Variants in BMPER observed in about 807,000 individuals in gnomAD.
BMPER encodes BMP binding endothelial regulator.
In BMPER, 45 loss-of-function variants were observed where a neutral mutation model predicts 87.3. The ratio of observed to expected loss-of-function variants is 0.52; its 90% CI spans 0.41 to 0.66. The LOEUF (loss-of-function observed/expected upper bound fraction) is 0.66, where lower values mean the gene tolerates loss of function less well. BMPER is among the 30% of genes least tolerant of loss of function. BMPER has a pLI of 0.00. For missense variants in BMPER, 784 were observed against 867.5 expected, an observed-to-expected ratio of 0.90 and a Z score of 1.21; for synonymous variants, 326 against 316.2, an observed-to-expected ratio of 1.03 and a Z score of -0.33.
At chr7:33,956,917 A>C (rs1436916484) in intron 3 of BMPER, among the ~76,000 whole-genome samples, 1 of 152,202 alleles carries the variant, frequency 6.6e-6, no homozygotes, top group Admixed American at 6.5e-5. Flanking sequence ...GGGTTGGTCA[A>C]GGGTCAACTG....
intron 13 of BMPER, among the ~76,000 whole-genome samples, chr7:34,095,643 G>A (rs1026185163): frequency 1.3e-5 from 2 of 152,212 alleles, no homozygotes; most frequent in Non-Finnish European, 2.9e-5. Flanking sequence ...AAGAACTTGA[G>A]GACATGAGCT....
At chr7:33,928,619 C>T (rs911790522) in intron 2 of BMPER, among the ~76,000 whole-genome samples, 2 of 115,312 alleles carry the variant, frequency 1.7e-5, no homozygotes, top group African/African-American at 3.4e-5. Flanking sequence ...TTCTTTGTTC[C>T]GTGAGTTTCT....
intron 13 of BMPER, among the ~76,000 whole-genome samples, chr7:34,128,139 C>T (rs926745151): frequency 2.6e-5 from 4 of 152,196 alleles, no homozygotes; most frequent in Admixed American, 6.5e-5. Flanking sequence ...GAATGTATGC[C>T]GATTCAAACA....
intron 13 of BMPER, among the ~76,000 whole-genome samples, chr7:34,102,001 A>G (rs1347767532): frequency 6.6e-6 from 1 of 152,242 alleles, no homozygotes; most frequent in Non-Finnish European, 1.5e-5. Context: ...AAGAAAACCC[A>G]TTAAAGTGGT....
chr7:34,038,244 T>A (rs1787736234), intron 6 of BMPER, among the ~76,000 whole-genome samples: 1 of 151,590 alleles, frequency 6.6e-6, no homozygotes, highest in African/African-American at 2.4e-5. Context: ...AGCAGGAGGG[T>A]CAGAGTCGGA....
chr7:34,126,548 T>A (rs1554322126), intron 13 of BMPER, among the ~76,000 whole-genome samples: 1 of 152,216 alleles, frequency 6.6e-6, no homozygotes, highest in Non-Finnish European at 1.5e-5. Context: ...GGCTGCTGTG[T>A]CACCAAGAAG....
At chr7:33,979,024 AG>A (rs1785767808) in intron 6 of BMPER, among the ~76,000 whole-genome samples, 1 of 152,156 alleles carries the variant, frequency 6.6e-6, no homozygotes, top group Admixed American at 6.5e-5. Context: ...CACACACCCA[AG>A]TGGTAAGGGT....
At chr7:33,916,633 C>A (rs560713211) in intron 2 of BMPER, among the ~76,000 whole-genome samples, 2 of 152,346 alleles carry the variant, frequency 1.3e-5, no homozygotes, top group South Asian at 4.1e-4. Flanking sequence ...CCTGCCAACT[C>A]CTCTAAGAGC....
intron 13 of BMPER, among the ~76,000 whole-genome samples, chr7:34,121,157 A>G (rs993567873): frequency 6.6e-5 from 10 of 152,020 alleles, no homozygotes; most frequent in Admixed American, 6.6e-4. Flanking sequence ...AGAAGGGAAA[A>G]TAATGGAAGT....
chr7:34,030,177 T>G (rs1173564097), intron 6 of BMPER, among the ~76,000 whole-genome samples: 3 of 152,046 alleles, frequency 2.0e-5, no homozygotes, highest in Admixed American at 6.6e-5. Flanking sequence ...ACAAAGGTTT[T>G]GGGGCATACG....
chr7:33,908,467 C>A (rs1585623998), intron 2 of BMPER, among the ~76,000 whole-genome samples: 1 of 152,126 alleles, frequency 6.6e-6, no homozygotes, highest in African/African-American at 2.4e-5. Context: ...TTCAGTACTC[C>A]TACCCCTGCT....
In BMPER at chr7:34,079,032, C is replaced by T; in HGVS notation, c.1254C>T (p.Thr418=). Residue 418 remains threonine, a synonymous_variant, in exon 12 of 15, where the codon ACC becomes ACT. Coordinates refer to ENST00000649409, the MANE Select transcript of BMPER (RefSeq NM_001365308.1). The part of the protein sequence containing the change: ...DARRTRSFSW[T]KSVELVLGES... ...GCCGGACACGCTCCTTCTCGTGGAC[C>T]AAGTCGGTGGAGCTGGTGCTGGGCG... 2 of 1,614,186 alleles carry T rather than the reference C, an allele frequency of 1.2e-6. No individual in the cohort carries two copies. Among genetic ancestry groups the T allele is most frequent in the Non-Finnish European group, 1.7e-6 (2 of 1,180,026 alleles).
At position 33,905,727 on chromosome 7, in the gene BMPER, G is replaced by A. The variant is rs761000130; in HGVS notation, c.114G>A (p.Leu38=). 2.5e-6 allele frequency: 4 copies of A among 1,612,794 alleles called. No homozygotes were observed. Among genetic ancestry groups the A allele is most frequent in the Non-Finnish European group, 2.5e-6 (3 of 1,179,834 alleles). The change falls in exon 1 of 15, where the codon CTG becomes CTA. Residue 38 remains leucine, a synonymous_variant. Transcript: ENST00000649409. ...ATTGCTCGGGGGTCCCCATGTCTCT[G>A]GCTTCCTCCTTCTTGACAGGTAGGG... is the stretch of plus-strand genomic sequence containing the variant. ...LLNCSGVPMS[L]ASSFLTGSVA... is the part of the protein sequence containing the mutation.
At chr7:33,993,340 C>G (rs1318402045) in intron 6 of BMPER, among the ~76,000 whole-genome samples, 98 of 152,008 alleles carry the variant, frequency 6.4e-4, no homozygotes, top group African/African-American at 2.2e-3. Context: ...TTTCTCTAAA[C>G]TTCCCTTCTC....
chr7:33,912,915 C>A (rs1783997068), intron 2 of BMPER, among the ~76,000 whole-genome samples: 1 of 152,194 alleles, frequency 6.6e-6, no homozygotes, highest in African/African-American at 2.4e-5. Context: ...CACACTTCAT[C>A]CCCTCTTCCA....
chr7:34,109,307 C>T (rs1023513047), intron 13 of BMPER, among the ~76,000 whole-genome samples: 9 of 152,144 alleles, frequency 5.9e-5, no homozygotes, highest in African/African-American at 2.2e-4. Flanking sequence ...AGGGGAGGGT[C>T]AGCTTTTTTG....
chr7:34,063,377 A>ATATG (rs1214329306), intron 11 of BMPER, among the ~76,000 whole-genome samples: 1 of 120,518 alleles, frequency 8.3e-6, no homozygotes, highest in African/African-American at 3.3e-5. Flanking sequence ...CAGGGTCACT[A>ATATG]TATGTGTGTG....
chr7:34,067,963 G>T (rs1788636199), intron 11 of BMPER, among the ~76,000 whole-genome samples: 1 of 152,200 alleles, frequency 6.6e-6, no homozygotes, highest in East Asian at 1.9e-4. Context: ...CCCACAGGGT[G>T]TTAGTACTCA....
Position 34,034,413 on chromosome 7 carries a change from C to T in BMPER, c.577-11893C>T, listed in dbSNP as rs551042217. On this transcript the variant is annotated intron_variant, in intron 6 of 14. Transcript: ENST00000649409. ...TAGAGGAAATACCACTTTCCTGAGC[C>T]GGAAAAGATTCCCTCTTCTGCCATG... 5.3e-5 allele frequency among the ~76,000 whole-genome samples: 8 copies of T among 152,250 alleles called. No individual in the cohort carries two copies. In the East Asian group the frequency reaches 7.7e-4, roughly 15 times the overall value.
Sources: allele counts gnomAD v4.1 joint callset (sites outside exome capture counted in the v4.1 genomes callset), GRCh38; gene constraint gnomAD v4.1.1; transcripts MANE v1.5; gene names NCBI Gene and HGNC (gene_info 2026-07-23, HGNC 2026-07-21).